MEA1: variants seen among roughly 807,000 people sequenced by gnomAD.
MEA1 encodes male-enhanced antigen 1.
In MEA1, 22 loss-of-function variants were observed where a neutral mutation model predicts 21.4. The observed-to-expected ratio is 1.03, with a 90% confidence interval of 0.73 to 1.47. MEA1 has a LOEUF of 1.47. MEA1 is among the 40% of genes most tolerant of loss of function. The pLI, the probability that MEA1 is intolerant of heterozygous loss-of-function variation, is 0.00. For missense variants in MEA1, 233 were observed against 230.5 expected (o/e 1.01, Z -0.07); for synonymous variants, 91 against 85.5 (o/e 1.06, Z -0.35).
In MEA1 at chr6:43,013,780, C is replaced by G; in HGVS notation, c.28+6G>C. On this transcript the variant is annotated splice_donor_region_variant and intron_variant, in intron 1 of 3. Coordinates refer to ENST00000244711, the MANE Select transcript of MEA1 (RefSeq NM_014623.4). ...TCTCCCCTCTCCTAGAGGACCCCCT[C>G]TGTACCGCCTGACAGATGCCTTTCA... 1 of 1,608,682 alleles carries G rather than the reference C, an allele frequency of 6.2e-7. No homozygotes were observed. Among genetic ancestry groups the G allele is most frequent in the Non-Finnish European group, 8.5e-7 (1 of 1,176,754 alleles).
Position 43,013,147 on chromosome 6 carries a change from C to T in MEA1, c.271G>A (p.Asp91Asn). The change falls in exon 2 of 4, where the codon GAT (aspartate) becomes AAT (asparagine). Residue 91 changes from aspartate (D) to asparagine (N), a missense_variant. Coordinates refer to ENST00000244711, the MANE Select transcript of MEA1 (RefSeq NM_014623.4). ...CGATCCTGGATGTCAGCAACTACATCTCCATCCCCCACTGGTGCCAGTTCC... is the reference window on the plus strand; with the variant it reads ...CGATCCTGGATGTCAGCAACTACATTTCCATCCCCCACTGGTGCCAGTTCC... ...EVELAPVGDG[D>N]VVADIQDRIQ... is the part of the protein sequence containing the mutation. 1 of 1,614,124 alleles carries T rather than the reference C, an allele frequency of 6.2e-7. No homozygotes were observed. The highest frequency in any genetic ancestry group is 8.5e-7 in the Non-Finnish European group (1 of 1,180,032).
chr6:43,013,999 G>A (rs1400713339), upstream of MEA1: 4 of 1,421,234 alleles, frequency 2.8e-6, no homozygotes, highest in African/African-American at 2.9e-5. Context: ...TGGCGAGGAC[G>A]AGGAGTCCGC....
At position 43,011,439 on chromosome 6, in the gene MEA1, A is replaced by ATTCTGTGGGTGT; in HGVS notation, c.*1030_*1031insACACCCACAGAA. 1 of 1,047,400 alleles carries ATTCTGTGGGTGT rather than the reference A, an allele frequency of 9.5e-7. No homozygotes were observed. Among genetic ancestry groups the ATTCTGTGGGTGT allele is most frequent in the Non-Finnish European group, 1.4e-6 (1 of 734,998 alleles). The allele number at this position is 1,047,400 out of a possible 1,614,324, so 64.9% of individuals were successfully genotyped here. On this transcript the variant is annotated 3_prime_UTR_variant, in exon 4 of 4. Transcript: ENST00000244711. ...GGATGTGGGCACTTGAAGCAGGGAC[A>ATTCTGTGGGTGT]CCCACAGAATGGTCCCTCTTCTCCC...
intron 3 of MEA1, 79 bp from the exon 4 acceptor site, chr6:43,012,700 A>G (rs1182644937): frequency 8.1e-6 from 12 of 1,487,692 alleles, no homozygotes; most frequent in Non-Finnish European, 1.1e-5. Flanking sequence ...ATCAACCCAG[A>G]GCCCTTGGGC....
upstream of MEA1, chr6:43,016,697 T>C (rs1762585433): frequency 6.2e-6 from 1 of 161,590 alleles, no homozygotes; most frequent in Non-Finnish European, 1.4e-5. Context: ...GGCTGGGCTA[T>C]TAATAGCTGT....
Position 43,012,560 on chromosome 6 carries a change from A to C in MEA1, c.468T>G (p.Pro156=). The C allele has an allele frequency of 1.9e-6, 3 of 1,612,850 alleles. No individual in the cohort carries two copies. The highest frequency in any genetic ancestry group is 2.5e-6 in the Non-Finnish European group (3 of 1,179,444). The part of the protein sequence containing the change: ...AGVSLPAPGV[P]AWAREISDAQ... ...CATCCGATATCTCCCGAGCCCAGGC[A>C]GGAACCCCTGGCGCAGGCAGGCTTA... The change falls in exon 4 of 4, where the codon CCT becomes CCG. Residue 156 remains proline, a synonymous_variant. Coordinates refer to ENST00000244711, the MANE Select transcript of MEA1 (RefSeq NM_014623.4).
chr6:43,012,233 C>T lies in MEA1; in HGVS notation c.*237G>A. The T allele has an allele frequency of 8.1e-7, 1 of 1,230,566 alleles. No homozygotes were observed. Among genetic ancestry groups the T allele is most frequent in the Non-Finnish European group, 1.0e-6 (1 of 984,346 alleles). The allele number at this position is 1,230,566 out of a possible 1,614,324, so 76.2% of individuals were successfully genotyped here. ...GGGGCGCAGGCAGTGCGGCTTTTGGCTGTGTACATAGGGTGCTTTATTCTC... is the reference window on the plus strand; with the variant it reads ...GGGGCGCAGGCAGTGCGGCTTTTGGTTGTGTACATAGGGTGCTTTATTCTC... On this transcript the variant is annotated 3_prime_UTR_variant, in exon 4 of 4. Transcript: ENST00000244711.
chr6:43,012,973 T>C lies in MEA1; in HGVS notation c.359A>G (p.Glu120Gly), dbSNP rs1554132459. The C allele has an allele frequency of 6.2e-6, 10 of 1,609,296 alleles. No homozygotes were observed. Among genetic ancestry groups the C allele is most frequent in the Non-Finnish European group, 8.5e-6 (10 of 1,178,050 alleles). Residue 120 changes from glutamate (E) to glycine (G), a missense_variant, in exon 3 of 4, where the codon GAG (glutamate) becomes GGG (glycine). Glu to Gly is a moderately conservative substitution (Grantham distance 98). Transcript: ENST00000244711. ...GTGGTTGTTCAACGCTGTAGCTCCC[T>C]CCTCATCTTCATCTTCACTCTCTAA... ...PPLESEDEDE[E>G]GATALNNHSS...
chr6:43,013,337 C>T lies in MEA1; in HGVS notation c.81G>A (p.Glu27=). ...CCTCAGTCTGATTGGGGAAGATACG[C>T]TCAGGGCCCATGGTGTCTCCTCCTA... ...VVLGGDTMGP[E]RIFPNQTEEL... The change falls in exon 2 of 4, where the codon GAG becomes GAA. Residue 27 remains glutamate, a synonymous_variant. Coordinates refer to ENST00000244711, the MANE Select transcript of MEA1 (RefSeq NM_014623.4). 1.2e-6 allele frequency: 2 copies of T among 1,614,114 alleles called. No individual in the cohort carries two copies. Among genetic ancestry groups the T allele is most frequent in the Non-Finnish European group, 1.7e-6 (2 of 1,180,026 alleles).
At chr6:43,014,291 G>A (rs1314246977), upstream of MEA1, 2 of 730,928 alleles carry the variant, frequency 2.7e-6, no homozygotes, top group East Asian at 2.7e-5. Flanking sequence ...GCGCGCAACG[G>A]GTTCTAGGCT....
chr6:43,012,237 G>A lies in MEA1; in HGVS notation c.*233C>T. 1.6e-6 allele frequency: 2 copies of A among 1,256,054 alleles called. No individual in the cohort carries two copies. Among genetic ancestry groups the A allele is most frequent in the Non-Finnish European group, 2.0e-6 (2 of 998,632 alleles). 77.8% of individuals were successfully genotyped at this position (1,256,054 alleles called of 1,614,324 possible). On this transcript the variant is annotated 3_prime_UTR_variant, in exon 4 of 4. Coordinates refer to ENST00000244711, the MANE Select transcript of MEA1 (RefSeq NM_014623.4). Reference sequence around the variant, plus strand: ...CGCAGGCAGTGCGGCTTTTGGCTGTGTACATAGGGTGCTTTATTCTCCACA... The same window carrying A: ...CGCAGGCAGTGCGGCTTTTGGCTGTATACATAGGGTGCTTTATTCTCCACA...
chr6:43,013,745 C>A, intron 1 of MEA1, 41 bp downstream of exon 1: 1 of 1,559,800 alleles, frequency 6.4e-7, no homozygotes, highest in Admixed American at 1.7e-5. Context: ...GGTCGGCGTA[C>A]CCGCCCCCTT....
At chr6:43,014,011 C>T (rs1239791209), upstream of MEA1, 43 of 1,420,804 alleles carry the variant, frequency 3.0e-5, no homozygotes, top group East Asian at 1.1e-3. Flanking sequence ...GGAGTCCGCC[C>T]CTTGCCCCGC....
chr6:43,013,654 C>T (rs1233032097), intron 1 of MEA1, 132 bp downstream of exon 1: 5 of 1,016,562 alleles, frequency 4.9e-6, no homozygotes, highest in Non-Finnish European at 7.4e-6. Flanking sequence ...TCCTAAAAGA[C>T]ACCCCTTCCA....
Position 43,012,261 on chromosome 6 carries a change from CAG to C in MEA1, c.*207_*208del. On this transcript the variant is annotated 3_prime_UTR_variant, in exon 4 of 4. Coordinates refer to ENST00000244711, the MANE Select transcript of MEA1 (RefSeq NM_014623.4). ...TGTACATAGGGTGCTTTATTCTCCA[CAG>C]AGTGATACATGCTAAGGTGGGTTGG... 1.5e-6 allele frequency: 2 copies of C among 1,322,648 alleles called. No individual in the cohort carries two copies. Among genetic ancestry groups the C allele is most frequent in the East Asian group, 2.8e-5 (1 of 35,832 alleles). The allele number at this position is 1,322,648 out of a possible 1,614,324, so 81.9% of individuals were successfully genotyped here. A position where few individuals can be genotyped will look rare whatever the true frequency, so the allele number is the denominator to read the frequency against.
chr6:43,012,476 C>T lies in MEA1; in HGVS notation c.552G>A (p.Trp184Ter). 6.3e-7 allele frequency: 1 copy of T among 1,598,314 alleles called. No homozygotes were observed. The highest frequency in any genetic ancestry group is 8.5e-7 in the Non-Finnish European group (1 of 1,174,180). ...AAGGCAGCTCTCACTGTGGTCACTT[C>T]CAGGCAGGGGATGCCTGCCGGGCTT... Reference protein sequence around the residue: ...ALQARQASPAWK With the variant: ...ALQARQASPA Residue 184 changes from tryptophan (W) to a stop codon, truncating the protein, a stop_gained, in exon 4 of 4, where the codon TGG (tryptophan) becomes TGA (stop). Coordinates refer to ENST00000244711, the MANE Select transcript of MEA1 (RefSeq NM_014623.4). LOFTEE classifies it high-confidence loss of function.
upstream of MEA1, chr6:43,016,439 G>A (rs1438289647): frequency 6.6e-6 from 1 of 152,280 alleles, no homozygotes; most frequent in Non-Finnish European, 1.5e-5. Context: ...TTAAGTCCTG[G>A]CAGCATACCA....
At position 43,012,513 on chromosome 6, in the gene MEA1, T is replaced by C; in HGVS notation, c.515A>G (p.Gln172Arg). 6.2e-7 allele frequency: 1 copy of C among 1,610,044 alleles called. No homozygotes were observed. The highest frequency in any genetic ancestry group is 1.1e-5 in the South Asian group (1 of 90,494). ...TGCCTGCCGGGCTTGGAGGGCTTTC[T>C]GTACCACATCTTCCCACTGGGCATC... is the stretch of plus-strand genomic sequence containing the variant. ...ISDAQWEDVV[Q>R]KALQARQASP... Residue 172 changes from glutamine (Q) to arginine (R), a missense_variant, in exon 4 of 4, where the codon CAG becomes CGG. Transcript: ENST00000244711.
Position 43,011,555 on chromosome 6 carries a change from T to C in MEA1, c.*915A>G. 1.9e-6 allele frequency: 1 copy of C among 516,038 alleles called. No homozygotes were observed. The highest frequency in any genetic ancestry group is 1.9e-5 in the African/African-American group (1 of 52,316). The allele number at this position is 516,038 out of a possible 1,614,324, so 32.0% of individuals were successfully genotyped here. ...AACCTGGGGATGCCTGTCCCCTACC[T>C]GCTCCTCACCCACAGCTACCTGAGG... On this transcript the variant is annotated 3_prime_UTR_variant, in exon 4 of 4. Coordinates refer to ENST00000244711, the MANE Select transcript of MEA1 (RefSeq NM_014623.4).
Sources: gnomAD v4.1 joint callset for allele counts on GRCh38, gnomAD v4.1.1 for gene constraint, MANE v1.5 for transcripts, NCBI Gene and HGNC (gene_info 2026-07-23, HGNC 2026-07-21) for gene names.